Variants in DGLUCY observed in about 807,000 individuals in gnomAD.
DGLUCY encodes D-glutamate cyclase, mitochondrial.
A neutral mutation model predicts 58.5 loss-of-function variants in DGLUCY; 58 were observed. The ratio of observed to expected loss-of-function variants is 0.99; its 90% confidence interval spans 0.80 to 1.23. The LOEUF (loss-of-function observed/expected upper bound fraction) is 1.23. Ranked by LOEUF, DGLUCY falls within the 50% of genes most tolerant of loss-of-function variation. The pLI is 0.00. For synonymous variants in DGLUCY, 325 were observed against 314.1 expected, an observed-to-expected ratio of 1.03 and a Z score of -0.37; for missense variants, 779 against 784.7, an observed-to-expected ratio of 0.99 and a Z score of 0.09.
At chr14:91,149,380 C>A (rs1186322457) in intron 1 of DGLUCY, among the ~76,000 whole-genome samples, 1 of 152,194 alleles carries the variant, frequency 6.6e-6, no homozygotes, top group African/African-American at 2.4e-5. Flanking sequence ...CTGGCAAATT[C>A]TCTCCCAGTG....
At chr14:91,079,052 C>T (rs923705411) in intron 1 of DGLUCY, among the ~76,000 whole-genome samples, 5 of 150,926 alleles carry the variant, frequency 3.3e-5, no homozygotes, top group African/African-American at 1.2e-4. Flanking sequence ...TACAGGCACC[C>T]GCCACCATGC....
chr14:91,080,050 C>A (rs1234990571), intron 1 of DGLUCY, among the ~76,000 whole-genome samples: 3 of 152,142 alleles, frequency 2.0e-5, no homozygotes, highest in Non-Finnish European at 4.4e-5. Context: ...TGGAATCATA[C>A]AATATTCTTC....
chr14:91,186,492 T>A (rs1040148482), intron 8 of DGLUCY, among the ~76,000 whole-genome samples: 16 of 152,114 alleles, frequency 1.1e-4, no homozygotes, highest in Non-Finnish European at 2.2e-4. Flanking sequence ...GATCAGGTGA[T>A]GGATCAGGTG....
intron 11 of DGLUCY, among the ~76,000 whole-genome samples, chr14:91,201,026 G>A (rs903569779): frequency 2.0e-5 from 3 of 152,082 alleles, no homozygotes; most frequent in African/African-American, 4.8e-5. Flanking sequence ...CTTCTCAAGG[G>A]TGGGGAGGGT....
chr14:91,122,167 TA>T (rs1455362455), intron 1 of DGLUCY, among the ~76,000 whole-genome samples: 1 of 152,030 alleles, frequency 6.6e-6, no homozygotes, highest in Non-Finnish European at 1.5e-5. Context: ...TTTATTTTTT[TA>T]TTTTTTTTTT....
chr14:91,193,843 G>GAA (rs76724762), intron 9 of DGLUCY, among the ~76,000 whole-genome samples: 73 of 102,484 alleles, frequency 7.1e-4, no homozygotes, highest in African/African-American at 2.1e-3. Context: ...TTCCATCTTA[G>GAA]AAAAAAAAAA....
intron 1 of DGLUCY, chr14:91,145,258 T>C (rs1189057878): frequency 6.6e-6 from 1 of 152,176 alleles, no homozygotes; most frequent in East Asian, 1.9e-4. Context: ...CCAGAGCCAC[T>C]CTGTCAAAAG....
At chr14:91,118,955 T>C (rs1326950176) in intron 1 of DGLUCY, among the ~76,000 whole-genome samples, 1 of 152,122 alleles carries the variant, frequency 6.6e-6, no homozygotes, top group African/African-American at 2.4e-5. Context: ...CTAAAAAGTC[T>C]ACCTAAAAAG....
chr14:91,193,902 T>C (rs1216134258), intron 9 of DGLUCY, among the ~76,000 whole-genome samples: 1 of 151,898 alleles, frequency 6.6e-6, no homozygotes, highest in Non-Finnish European at 1.5e-5. Flanking sequence ...TTCTTTCCTG[T>C]CTTGAGCATA....
intron 7 of DGLUCY, among the ~76,000 whole-genome samples, chr14:91,179,236 T>TATGGTATTAAGCACTTAATGA (rs1404654405): frequency 5.9e-5 from 9 of 152,130 alleles, no homozygotes; most frequent in Admixed American, 2.0e-4. Context: ...AGGTAAATAG[T>TATGGTATTAAGCACTTAATGA]ATGGTATTAA....
chr14:91,177,150 C>T (rs1156359284), intron 7 of DGLUCY, among the ~76,000 whole-genome samples: 3 of 152,094 alleles, frequency 2.0e-5, no homozygotes, highest in Non-Finnish European at 2.9e-5. Flanking sequence ...AGGCATACGC[C>T]GCCATACCAA....
At chr14:91,177,299 G>A (rs964685726) in intron 7 of DGLUCY, among the ~76,000 whole-genome samples, 6 of 152,148 alleles carry the variant, frequency 3.9e-5, no homozygotes, top group East Asian at 3.8e-4. Context: ...TGCTTCAGCC[G>A]TTTTGATTAA....
upstream of DGLUCY, among the ~76,000 whole-genome samples, chr14:91,103,323 C>T (rs1410268201): frequency 6.6e-6 from 1 of 152,156 alleles, no homozygotes; most frequent in African/African-American, 2.4e-5. Context: ...GCTATCAACA[C>T]GGCCTAGCAA....
At chr14:91,080,412 C>T (rs915085568) in intron 1 of DGLUCY, among the ~76,000 whole-genome samples, 2 of 152,112 alleles carry the variant, frequency 1.3e-5, no homozygotes, top group South Asian at 4.1e-4. Flanking sequence ...CGCACTGTTG[C>T]CAGGCTGGAG....
chr14:91,139,655 A>C (rs1243214778), intron 1 of DGLUCY, among the ~76,000 whole-genome samples: 1 of 152,270 alleles, frequency 6.6e-6, no homozygotes, highest in Non-Finnish European at 1.5e-5. Flanking sequence ...ACTGCACTCC[A>C]GCCTGGGCAA....
upstream of DGLUCY, among the ~76,000 whole-genome samples, chr14:91,110,894 A>G (rs2044681508): frequency 6.6e-6 from 1 of 151,532 alleles, no homozygotes. Flanking sequence ...CATTTCAGTA[A>G]CTCCTCGTTC....
rs1567022049 is a variant in DGLUCY at position 91,224,844 on chromosome 14, TC to T, written c.*13del. 1 of 1,598,260 alleles carries T rather than the reference TC, an allele frequency of 6.3e-7. No homozygotes were observed. The highest frequency in any genetic ancestry group is 2.3e-5 in the East Asian group (1 of 44,416). On this transcript the variant is annotated 3_prime_UTR_variant, in exon 14 of 14. Coordinates refer to ENST00000256324, the MANE Select transcript of DGLUCY (RefSeq NM_001102368.3). The stretch of plus-strand genomic sequence containing the variant: ...ACGGCACAGGTGTAACCGTCCATGT[TC>T]CGTGTGAGCAGAGTCCCTACCAACG...
chr14:91,098,789 C>T (rs2044436062), intron 1 of DGLUCY, among the ~76,000 whole-genome samples: 1 of 152,136 alleles, frequency 6.6e-6, no homozygotes, highest in African/African-American at 2.4e-5. Context: ...CCCATGTGGC[C>T]CATGGCCAGC....
chr14:91,122,602 GTTTTTTT>G (rs60627604), intron 1 of DGLUCY, among the ~76,000 whole-genome samples: 2 of 104,816 alleles, frequency 1.9e-5, no homozygotes, highest in African/African-American at 7.8e-5. Context: ...AAAGAAAAAA[GTTTTTTT>G]TTTTTTTTTT....
Sources: gnomAD v4.1 joint callset for allele counts (sites outside exome capture counted in the v4.1 genomes callset) on GRCh38, gnomAD v4.1.1 for gene constraint, MANE v1.5 for transcripts, NCBI Gene and HGNC (gene_info 2026-07-23, HGNC 2026-07-21) for gene names.